Variants in CRHBP observed in about 807,000 individuals in gnomAD.
CRHBP encodes corticotropin releasing hormone binding protein.
CRHBP carries 19 observed loss-of-function variants against 34.9 expected under a neutral mutation model. That is an observed-to-expected ratio of 0.55 (90% confidence interval 0.38 to 0.80). The LOEUF is 0.80. Among genes scored for constraint, CRHBP ranks in the 30% least tolerant of loss-of-function variants. CRHBP has a pLI of 0.00. For synonymous variants in CRHBP, 154 were observed against 153.4 expected (o/e 1.00, Z -0.03); for missense variants, 328 against 409.2 (o/e 0.80, Z 1.71).
At chr5:76,954,289 C>T (rs1020640444) in intron 3 of CRHBP, 103 bp downstream of exon 3, 1 of 1,383,282 alleles carries the variant, frequency 7.2e-7, no homozygotes, top group African/African-American at 1.5e-5. Context: ...CGTAGGTAGC[C>T]AGTGGCACTT....
rs554112925 is a variant in CRHBP at position 76,954,380 on chromosome 5, G to C, written c.333+194G>C. Among the ~76,000 whole-genome samples the C allele has an allele frequency of 2.0e-5, 3 of 151,838 alleles. No individual in the cohort carries two copies. The East Asian group carries it at 5.9e-4, about 30-fold the overall frequency. On this transcript the variant is annotated intron_variant, in intron 3 of 6. Coordinates refer to ENST00000274368, the MANE Select transcript of CRHBP (RefSeq NM_001882.4). ...GGCGAGAATCTCGCCCTTACCCGAA[G>C]ACCTCGACCCACACACATCCAGTGG...
At chr5:76,976,700 T>G (rs1372148364) in intron 3 of CRHBP, among the ~76,000 whole-genome samples, 1 of 152,220 alleles carries the variant, frequency 6.6e-6, no homozygotes, top group Non-Finnish European at 1.5e-5. Context: ...TGAGTGTTCC[T>G]TTCTCAGAAA....
At chr5:76,958,690 C>A in intron 4 of CRHBP, 51 bp from the exon 5 acceptor site, 1 of 1,569,044 alleles carries the variant, frequency 6.4e-7, no homozygotes, top group Non-Finnish European at 8.6e-7. Flanking sequence ...TCTATAAAAA[C>A]CTAGCAAACC....
rs1238753602 is a variant in CRHBP, at chr5:76,958,801, A to C, written c.605A>C (p.His202Pro). The change falls in exon 5 of 7, where the codon CAT becomes CCT. Residue 202 changes from histidine to proline, a missense_variant. Physicochemically the swap from His to Pro is moderately conservative, Grantham distance 77. This residue lies in a region of CRHBP where 144 missense variants were observed against 216.7 expected (regional missense o/e 0.66). Transcript: ENST00000274368. ...GKFTLVVPHQHRNCSFSIIYP... is the reference protein window; with the variant it reads ...GKFTLVVPHQPRNCSFSIIYP... ...TTTACCCTGGTAGTTCCACACCAGC[A>C]TCGAAACTGCAGCTTCTCCATAATT... 6.2e-7 allele frequency: 1 copy of C among 1,614,094 alleles called. No homozygotes were observed.
downstream of CRHBP, among the ~76,000 whole-genome samples, chr5:76,969,948 T>C (rs1745922009): frequency 1.0e-5 from 1 of 97,570 alleles, no homozygotes; most frequent in Non-Finnish European, 2.1e-5. Context: ...TTTTTTTTTT[T>C]TTTTTTTTTT....
chr5:76,969,110 C>A lies in CRHBP; in HGVS notation c.*225C>A, dbSNP rs1745906680. ...AATGAACACATGGCAGAAAATAACC[C>A]CTGATTGGTAGGATCATAGTTCTAA... On this transcript the variant is annotated 3_prime_UTR_variant, in exon 7 of 7. Transcript: ENST00000274368. The A allele has an allele frequency of 7.0e-6, 3 of 428,342 alleles. No homozygotes were observed. The highest frequency in any genetic ancestry group is 1.2e-5 in the Non-Finnish European group (3 of 244,674). The allele number at this position is 428,342 out of a possible 1,614,324, so 26.5% of individuals were successfully genotyped here.
chr5:76,969,238 C>T lies in CRHBP; in HGVS notation c.*353C>T. On this transcript the variant is annotated 3_prime_UTR_variant, in exon 7 of 7. Coordinates refer to ENST00000274368, the MANE Select transcript of CRHBP (RefSeq NM_001882.4). ...AAATCGTATCTCAAGGGAAAATACT[C>T]AAAGAAAGAAAAGTGGCAGCACTTA... is the stretch of plus-strand genomic sequence containing the variant. The T allele has an allele frequency of 5.6e-6, 1 of 177,888 alleles. No homozygotes were observed. The highest frequency in any genetic ancestry group is 6.1e-5 in the Admixed American group (1 of 16,268). 11.0% of individuals were successfully genotyped at this position (177,888 alleles called of 1,614,324 possible).
chr5:76,972,818 G>A (rs1206812969), downstream of CRHBP, among the ~76,000 whole-genome samples: 2 of 152,312 alleles, frequency 1.3e-5, no homozygotes, highest in East Asian at 1.9e-4. Context: ...GGGCAGAAAT[G>A]CTATATGTTC....
downstream of CRHBP, among the ~76,000 whole-genome samples, chr5:76,973,858 GT>G (rs917020114): frequency 7.2e-5 from 11 of 151,988 alleles, no homozygotes; most frequent in African/African-American, 2.2e-4. Context: ...AGCCTGGAGT[GT>G]AGGGCGCGAT....
rs1397485410 is a variant in CRHBP at position 76,975,821 on chromosome 5, A to AT, written n.312-544_312-543insT. Among the ~76,000 whole-genome samples, 90 of 81,666 alleles carry AT rather than the reference A, an allele frequency of 1.1e-3. 2 individuals are homozygous for AT. Among genetic ancestry groups the AT allele is most frequent in the East Asian group, 6.5e-3 (18 of 2,774 alleles). 53.6% of individuals were successfully genotyped at this position (81,666 alleles called of 152,430 possible). On this transcript the variant is annotated intron_variant and non_coding_transcript_variant, in intron 2 of 3. Coordinates refer to the CRHBP transcript ENST00000514258. Reference sequence around the variant, plus strand: ...TCTGTCTCAAAAAAAAAAAAAAAAAAAAAAATATATATATATATATATATA... The same window carrying AT: ...TCTGTCTCAAAAAAAAAAAAAAAAAATAAAAATATATATATATATATATATA...
downstream of CRHBP, among the ~76,000 whole-genome samples, chr5:76,973,522 C>T (rs1745978170): frequency 6.6e-6 from 1 of 152,172 alleles, no homozygotes; most frequent in East Asian, 1.9e-4. Context: ...CTATTGGATT[C>T]AGCAATGGAT....
chr5:76,968,195 T>G (rs1274801254), intron 6 of CRHBP, among the ~76,000 whole-genome samples: 28 of 128,744 alleles, frequency 2.2e-4, no homozygotes, highest in Admixed American at 2.0e-3. Flanking sequence ...TAAACAGGTG[T>G]TTTTTTTTGT....
chr5:76,956,628 G>A (rs2150705390), intron 4 of CRHBP, among the ~76,000 whole-genome samples: 1 of 152,240 alleles, frequency 6.6e-6, no homozygotes, highest in Admixed American at 6.5e-5. Flanking sequence ...CCAGCTACTT[G>A]GGAGAGAATG....
At chr5:76,962,498 G>T (rs992570810) in intron 5 of CRHBP, among the ~76,000 whole-genome samples, 57 of 152,096 alleles carry the variant, frequency 3.7e-4, no homozygotes, top group African/African-American at 1.3e-3. Context: ...AAATGAAAAG[G>T]CTGGGTGAGG....
intron 6 of CRHBP, 44 bp downstream of exon 6, chr5:76,963,504 A>T (rs1160482977): frequency 3.8e-6 from 5 of 1,307,572 alleles, no homozygotes; most frequent in Admixed American, 2.1e-5. Context: ...TATCAAGATT[A>T]AAAAAAAATA....
chr5:76,968,340 C>T (rs1745892978), intron 6 of CRHBP, among the ~76,000 whole-genome samples: 1 of 151,944 alleles, frequency 6.6e-6, no homozygotes, highest in Non-Finnish European at 1.5e-5. Context: ...CCTTAGAGGG[C>T]CGTACTGTTT....
At chr5:76,954,476 A>G (rs570892862) in intron 3 of CRHBP, among the ~76,000 whole-genome samples, 1 of 151,220 alleles carries the variant, frequency 6.6e-6, no homozygotes, top group South Asian at 2.1e-4. Context: ...GGCCCTAGGA[A>G]CTTCTAAAGA....
At position 76,958,858 on chromosome 5, in the gene CRHBP, C is replaced by G. The variant is rs1182220300; in HGVS notation, c.662C>G (p.Thr221Ser). 1 of 1,614,030 alleles carries G rather than the reference C, an allele frequency of 6.2e-7. No homozygotes were observed. The highest frequency in any genetic ancestry group is 1.3e-5 in the African/African-American group (1 of 75,028). ...GTGGTGATCAAAATATCTGATCTTA[C>G]CCTGGGACACGTAAATGGTCTTCAG... The part of the protein sequence containing the change: ...YPVVIKISDL[T>S]LGHVNGLQLK... The change falls in exon 5 of 7, where the codon ACC becomes AGC. Residue 221 changes from threonine (T) to serine (S), a missense_variant. By Grantham distance (58) the Thr-to-Ser change is moderately conservative (BLOSUM62 1). Transcript: ENST00000274368.
intron 6 of CRHBP, among the ~76,000 whole-genome samples, chr5:76,965,952 A>G (rs1310853988): frequency 3.3e-5 from 5 of 152,238 alleles, no homozygotes. Context: ...AGCACTCCGC[A>G]GGGTGGGAGT....
Sources: allele counts gnomAD v4.1 joint callset (sites outside exome capture counted in the v4.1 genomes callset), GRCh38; gene constraint gnomAD v4.1.1; regional missense constraint gnomAD v4.1.1; transcripts MANE v1.5; gene names NCBI Gene and HGNC (gene_info 2026-07-23, HGNC 2026-07-21).